The following KXD1 variants were observed in gnomAD, a reference collection of about 807,000 sequenced individuals.
KXD1 encodes the protein kxDL motif-containing protein 1.
KXD1 carries 5 observed loss-of-function variants against 12.1 expected under a neutral mutation model. That is an observed-to-expected ratio of 0.41 (90% CI 0.22 to 0.87). The LOEUF is 0.87. Among genes scored for constraint, KXD1 ranks in the 40% least tolerant of loss-of-function variants. The probability of loss-of-function intolerance (pLI) is 0.31; values close to 1 mark genes in which losing one functional copy is unlikely to be tolerated. For synonymous variants in KXD1, 98 were observed against 100.5 expected, an observed-to-expected ratio of 0.98 and a Z score of 0.15; for missense variants, 193 against 244.9, an observed-to-expected ratio of 0.79 and a Z score of 1.41.
intron 1 of KXD1, chr19:18,558,394 T>G (rs1977004381): frequency 6.6e-6 from 1 of 152,204 alleles, no homozygotes; most frequent in African/African-American, 2.4e-5. Context: ...AGCCTCAGTT[T>G]CACTCGGAGA....
At chr19:18,568,172 C>A (rs954820329) in intron 4 of KXD1, among the ~76,000 whole-genome samples, 3 of 149,376 alleles carry the variant, frequency 2.0e-5, no homozygotes, top group Non-Finnish European at 3.0e-5. Flanking sequence ...GAGGTTAAGG[C>A]AGAAGAATCG....
At chr19:18,566,847 CA>C (rs1975265236) in intron 3 of KXD1, among the ~76,000 whole-genome samples, 1 of 152,058 alleles carries the variant, frequency 6.6e-6, no homozygotes, top group African/African-American at 2.4e-5. Context: ...AGCAGCCTCG[CA>C]GGGGGAGCCC....
In KXD1 at chr19:18,568,679, G is replaced by C; in HGVS notation, c.*48G>C. 7.1e-7 allele frequency: 1 copy of C among 1,409,492 alleles called. No homozygotes were observed. The highest frequency in any genetic ancestry group is 9.8e-7 in the Non-Finnish European group (1 of 1,015,802). The allele number at this position is 1,409,492 out of a possible 1,614,324, so 87.3% of individuals were successfully genotyped here. On this transcript the variant is annotated 3_prime_UTR_variant, in exon 5 of 5. Transcript: ENST00000222307. ...GGGGTCTCAGGGCAGCAGCATACAA[G>C]GTGGCAGCGGGTAACCCTGCCTTGT... is the stretch of plus-strand genomic sequence containing the variant.
At chr19:18,565,948 A>G (rs1975202750) in intron 3 of KXD1, among the ~76,000 whole-genome samples, 1 of 152,124 alleles carries the variant, frequency 6.6e-6, no homozygotes, top group Non-Finnish European at 1.5e-5. Flanking sequence ...TCGGCCTCCT[A>G]AAGTGTTGGG....
intron 3 of KXD1, among the ~76,000 whole-genome samples, chr19:18,566,114 A>T (rs1442221871): frequency 6.6e-6 from 1 of 151,900 alleles, no homozygotes; most frequent in Non-Finnish European, 1.5e-5. Flanking sequence ...TATAGGCATG[A>T]GCCATCATGC....
intron 2 of KXD1, among the ~76,000 whole-genome samples, chr19:18,564,584 C>A (rs887068194): frequency 6.6e-6 from 1 of 152,170 alleles, no homozygotes; most frequent in Non-Finnish European, 1.5e-5. Context: ...GATCGCGCCA[C>A]TGCACTCCAG....
At chr19:18,568,358 CT>C in intron 4 of KXD1, 43 bp from the exon 5 acceptor site, 1 of 1,452,838 alleles carries the variant, frequency 6.9e-7, no homozygotes. Context: ...CATCACAGAG[CT>C]TGGCAAGGTG....
intron 3 of KXD1, among the ~76,000 whole-genome samples, chr19:18,566,413 G>T (rs1310300005): frequency 1.2e-5 from 1 of 85,798 alleles, no homozygotes; most frequent in Non-Finnish European, 2.5e-5. Context: ...CCGAGATCGC[G>T]CCACTGCACT....
At chr19:18,560,940 C>T (rs1303037256) in intron 1 of KXD1, among the ~76,000 whole-genome samples, 4 of 151,890 alleles carry the variant, frequency 2.6e-5, no homozygotes, top group Admixed American at 6.6e-5. Flanking sequence ...CTCCTGACCT[C>T]GTGATCCACC....
rs567152569 is a variant in KXD1, at chr19:18,562,327, G to A, written c.101+170G>A. 3.3e-5 allele frequency among the ~76,000 whole-genome samples: 5 copies of A among 152,362 alleles called. No individual in the cohort carries two copies. In the South Asian group the frequency reaches 8.3e-4, roughly 25 times the overall value. ...CTTCCCGGCCTGGAGGCGAGGCCTT[G>A]GCACAGGAAGCAGGGCTTTGGGGAG... On this transcript the variant is annotated intron_variant, in intron 2 of 4. Coordinates refer to ENST00000222307, the MANE Select transcript of KXD1 (RefSeq NM_024069.4).
At chr19:18,566,744 G>C (rs1036432026) in intron 3 of KXD1, among the ~76,000 whole-genome samples, 2 of 151,554 alleles carry the variant, frequency 1.3e-5, no homozygotes, top group Non-Finnish European at 2.9e-5. Context: ...AGTGAGCCAG[G>C]ATGGCACCAC....
In KXD1 at chr19:18,564,850, G is replaced by A; in HGVS notation, c.102-19G>A. 2 of 1,612,856 alleles carry A rather than the reference G, an allele frequency of 1.2e-6. No individual in the cohort carries two copies. The highest frequency in any genetic ancestry group is 1.7e-6 in the Non-Finnish European group (2 of 1,179,862). The stretch of plus-strand genomic sequence containing the variant: ...CCTGAAGCTGGGCAGTGAAGCTCAT[G>A]CCCTCTCTCCACCATCAGGCTGGAC... On this transcript the variant is annotated intron_variant, in intron 2 of 4. Coordinates refer to ENST00000222307, the MANE Select transcript of KXD1 (RefSeq NM_024069.4).
At chr19:18,563,771 G>T (rs1975052931) in intron 2 of KXD1, among the ~76,000 whole-genome samples, 1 of 152,084 alleles carries the variant, frequency 6.6e-6, no homozygotes, top group African/African-American at 2.4e-5. Flanking sequence ...CAAAGTGCTG[G>T]GATTACAGGT....
chr19:18,562,175 G>A lies in KXD1; in HGVS notation c.101+18G>A, dbSNP rs1036982813. 1.3e-6 allele frequency: 2 copies of A among 1,569,216 alleles called. No homozygotes were observed. Among genetic ancestry groups the A allele is most frequent in the African/African-American group, 1.4e-5 (1 of 73,528 alleles). On this transcript the variant is annotated intron_variant, in intron 2 of 4. Transcript: ENST00000222307. ...AAGAACATGTGAGTGGCGGCTGGGG[G>A]ACCTGAGCGTGGGAAGGAATCCACA... is the stretch of plus-strand genomic sequence containing the variant.
At position 18,562,226 on chromosome 19, in the gene KXD1, C is replaced by G. The variant is rs1027597596; in HGVS notation, c.101+69C>G. Reference sequence around the variant, plus strand: ...GGCTGGCCAACATTCTTGTCTTGCCCGCCCCTACCCGGGGCCCACACTGGT... The same window carrying G: ...GGCTGGCCAACATTCTTGTCTTGCCGGCCCCTACCCGGGGCCCACACTGGT... On this transcript the variant is annotated intron_variant, in intron 2 of 4. Coordinates refer to ENST00000222307, the MANE Select transcript of KXD1 (RefSeq NM_024069.4). 15 of 1,192,232 alleles carry G rather than the reference C, an allele frequency of 1.3e-5. 1 individual carries two copies. In the South Asian group the frequency reaches 1.8e-4, roughly 14 times the overall value. The allele number at this position is 1,192,232 out of a possible 1,614,324, so 73.9% of individuals were successfully genotyped here.
At chr19:18,561,969 G>A (rs540035828) in intron 1 of KXD1, 67 bp from the exon 2 acceptor site, 11 of 1,047,026 alleles carry the variant, frequency 1.1e-5, no homozygotes, top group African/African-American at 6.5e-5. Flanking sequence ...TGGCGGTCCC[G>A]GCCTGGCCTC....
At chr19:18,567,208 A>G (rs1975287901) in intron 4 of KXD1, 30 bp downstream of exon 4, 2 of 1,610,364 alleles carry the variant, frequency 1.2e-6, no homozygotes, top group Admixed American at 1.7e-5. Context: ...CCTGCTCCCG[A>G]GCACGTCAGC....
intron 1 of KXD1, chr19:18,560,604 G>A (rs1053136436): frequency 6.6e-6 from 1 of 152,206 alleles, no homozygotes; most frequent in Non-Finnish European, 1.5e-5. Context: ...TCACGTCAGA[G>A]CTGAGTTTGA....
chr19:18,558,581 G>A (rs1424083593), intron 1 of KXD1: 2 of 152,152 alleles, frequency 1.3e-5, no homozygotes. Flanking sequence ...ATCACCTTTG[G>A]TTTCAGTTGC....
Sources: allele counts gnomAD v4.1 joint callset (sites outside exome capture counted in the v4.1 genomes callset), GRCh38; gene constraint gnomAD v4.1.1; transcripts MANE v1.5; gene names NCBI Gene and HGNC (gene_info 2026-07-23, HGNC 2026-07-21).